RCAN1: variants seen among roughly 807,000 people sequenced by gnomAD.
The protein encoded by RCAN1 is calcipressin-1.
In RCAN1, 11 loss-of-function variants were observed where a neutral mutation model predicts 22.9. That is an observed-to-expected ratio of 0.48 (90% CI 0.30 to 0.79). The LOEUF is 0.79. RCAN1 is among the 30% of genes least tolerant of loss of function. The pLI, the probability that RCAN1 is intolerant of heterozygous loss-of-function variation, is 0.06. For synonymous variants in RCAN1, 136 were observed against 142.3 expected (o/e 0.96, Z 0.32); for missense variants, 291 against 337.8 (o/e 0.86, Z 1.09).
At chr21:34,585,064 A>T (rs1987743010) in intron 1 of RCAN1, among the ~76,000 whole-genome samples, 1 of 152,208 alleles carries the variant, frequency 6.6e-6, no homozygotes, top group African/African-American at 2.4e-5. Context: ...TTAAAACAAA[A>T]TTTTTTTAGG....
At chr21:34,568,416 G>C (rs143161509) in intron 1 of RCAN1, among the ~76,000 whole-genome samples, 2 of 152,296 alleles carry the variant, frequency 1.3e-5, no homozygotes, top group South Asian at 2.1e-4. Flanking sequence ...AGTTAACTTT[G>C]AGAATTTGGT....
chr21:34,596,507 A>G (rs1988159482), intron 1 of RCAN1, among the ~76,000 whole-genome samples: 1 of 152,046 alleles, frequency 6.6e-6, no homozygotes, highest in South Asian at 2.1e-4. Context: ...CTGGAGCCTC[A>G]GCTGAGGGCC....
At chr21:34,556,950 A>T (rs1243480881) in intron 1 of RCAN1, among the ~76,000 whole-genome samples, 1 of 152,234 alleles carries the variant, frequency 6.6e-6, no homozygotes, top group Non-Finnish European at 1.5e-5. Flanking sequence ...ATGGTGGCTG[A>T]CGCCTGTAAT....
intron 1 of RCAN1, among the ~76,000 whole-genome samples, chr21:34,606,230 C>A (rs1257374472): frequency 6.6e-6 from 1 of 152,204 alleles, no homozygotes; most frequent in Non-Finnish European, 1.5e-5. Flanking sequence ...GGCACAGTGA[C>A]CTTTTTCAGC....
chr21:34,613,793 C>T (rs1988742456), intron 1 of RCAN1: 6 of 1,500,762 alleles, frequency 4.0e-6, no homozygotes, highest in Non-Finnish European at 5.4e-6. Context: ...TTACATACAC[C>T]ATTCTGTTTC....
chr21:34,550,999 T>G (rs1986346009), intron 1 of RCAN1, among the ~76,000 whole-genome samples: 1 of 152,176 alleles, frequency 6.6e-6, no homozygotes, highest in Non-Finnish European at 1.5e-5. Context: ...CACAACTCAA[T>G]GCACATAACT....
chr21:34,589,749 C>A (rs1044573878), intron 1 of RCAN1, among the ~76,000 whole-genome samples: 6 of 152,032 alleles, frequency 3.9e-5, no homozygotes, highest in Non-Finnish European at 7.4e-5. Context: ...CCTGCCTGAG[C>A]TGGGACAGCT....
intron 1 of RCAN1, chr21:34,613,866 C>G: frequency 7.0e-7 from 1 of 1,419,030 alleles, no homozygotes; most frequent in African/African-American, 1.4e-5. Context: ...TGTGGACCCA[C>G]AGCCAAGCGC....
intron 1 of RCAN1, among the ~76,000 whole-genome samples, chr21:34,536,465 C>T (rs531758266): frequency 2.0e-5 from 3 of 152,336 alleles, no homozygotes; most frequent in South Asian, 4.1e-4. Context: ...TAGCCCTCAT[C>T]CCTGCGCTAA....
chr21:34,532,996 T>C (rs867245933), intron 1 of RCAN1, among the ~76,000 whole-genome samples: 9 of 148,442 alleles, frequency 6.1e-5, no homozygotes, highest in Non-Finnish European at 1.0e-4. Context: ...AGTCTTGCTC[T>C]GTCGCCCAGG....
At chr21:34,521,361 A>C (rs1984520727) in intron 3 of RCAN1, 138 bp downstream of exon 3, 1 of 1,536,884 alleles carries the variant, frequency 6.5e-7, no homozygotes, top group South Asian at 1.2e-5. Context: ...ACGGTGGCGC[A>C]GAAGAATACA....
At chr21:34,529,532 C>T (rs573880566) in intron 1 of RCAN1, among the ~76,000 whole-genome samples, 1 of 152,320 alleles carries the variant, frequency 6.6e-6, no homozygotes, top group Admixed American at 6.5e-5. Flanking sequence ...TATACGTGAA[C>T]TTGCATTTCT....
At chr21:34,521,184 G>T in intron 3 of RCAN1, 1 of 1,360,020 alleles carries the variant, frequency 7.4e-7, no homozygotes, top group African/African-American at 1.5e-5. Context: ...CAGAACCTGG[G>T]GCCGGGGCTC....
chr21:34,591,716 G>A (rs143895899), intron 1 of RCAN1, among the ~76,000 whole-genome samples: 189 of 152,284 alleles, frequency 1.2e-3, no homozygotes, highest in African/African-American at 4.4e-3. Flanking sequence ...TGAGATTCTC[G>A]CATGGTGGAT....
rs140587999 is a variant in RCAN1 at position 34,582,594 on chromosome 21, G to C, written c.252+32166C>G. Among the ~76,000 whole-genome samples, 763 of 152,272 alleles carry C rather than the reference G, an allele frequency of 5.0e-3. 3 individuals are homozygous for C. Among genetic ancestry groups the C allele is most frequent in the Non-Finnish European group, 7.6e-3 (520 of 68,032 alleles). On this transcript the variant is annotated intron_variant, in intron 1 of 3. Coordinates refer to ENST00000313806, the MANE Select transcript of RCAN1 (RefSeq NM_004414.7). ...AGCCCAGCTGTGGTATTGGAGACGCGAGGAGGAGCTGAATCTGGAGAGGGC... is the reference window on the plus strand; with the variant it reads ...AGCCCAGCTGTGGTATTGGAGACGCCAGGAGGAGCTGAATCTGGAGAGGGC...
intron 3 of RCAN1, among the ~76,000 whole-genome samples, chr21:34,520,559 C>T (rs1024370211): frequency 1.3e-5 from 2 of 152,172 alleles, no homozygotes; most frequent in African/African-American, 4.8e-5. Context: ...ACCAAGAAAA[C>T]AAAACCCTCA....
At chr21:34,585,327 T>A (rs1987751797) in intron 1 of RCAN1, among the ~76,000 whole-genome samples, 1 of 152,252 alleles carries the variant, frequency 6.6e-6, no homozygotes, top group South Asian at 2.1e-4. Flanking sequence ...AATTTTAAAT[T>A]CATATTAGAC....
intron 1 of RCAN1, among the ~76,000 whole-genome samples, chr21:34,596,096 C>T (rs932591898): frequency 6.6e-6 from 1 of 152,128 alleles, no homozygotes; most frequent in Non-Finnish European, 1.5e-5. Flanking sequence ...TGTGGACTCA[C>T]GTCCCCATCC....
chr21:34,580,388 C>T (rs1987563524), intron 1 of RCAN1, among the ~76,000 whole-genome samples: 1 of 152,232 alleles, frequency 6.6e-6, no homozygotes, highest in Non-Finnish European at 1.5e-5. Flanking sequence ...GATATGGAAA[C>T]TGGCTGGCAC....
Sources: allele counts gnomAD v4.1 joint callset (sites outside exome capture counted in the v4.1 genomes callset), GRCh38; gene constraint gnomAD v4.1.1; transcripts MANE v1.5; gene names NCBI Gene and HGNC (gene_info 2026-07-23, HGNC 2026-07-21).